Variants in PDZD7 observed in about 807,000 individuals in gnomAD.
PDZD7 encodes PDZ domain containing 7.
Under a neutral mutation model 84.7 loss-of-function variants are expected in PDZD7, and 72 were observed. That is an observed-to-expected ratio of 0.85 (90% CI 0.70 to 1.03). The LOEUF is 1.03. Among genes scored for constraint, PDZD7 ranks in the 50% least tolerant of loss-of-function variants. The pLI, the probability that PDZD7 is intolerant of heterozygous loss-of-function variation, is 0.00. For missense variants in PDZD7, 1,490 were observed against 1,412.9 expected (o/e 1.05, Z -0.87); for synonymous variants, 594 against 580.7 (o/e 1.02, Z -0.33).
rs565952913 is a variant in PDZD7 at position 101,010,659 on chromosome 10, G to T, written c.2230C>A (p.Arg744=). The change falls in exon 15 of 17, where the codon CGG becomes AGG. Residue 744 remains arginine (R), a synonymous_variant. Transcript: ENST00000619208. ...PPPQLPPVAP[R]PLRPNWLLTE... ...AGCAGCCAGTTAGGCCGCAGGGGCCGGGGAGCCACGGGGGGTAGCTGGGGA... is the reference window on the plus strand; with the variant it reads ...AGCAGCCAGTTAGGCCGCAGGGGCCTGGGAGCCACGGGGGGTAGCTGGGGA... 572 of 1,517,952 alleles carry T rather than the reference G, an allele frequency of 3.8e-4. 3 individuals are homozygous for T. The South Asian group carries it at 5.9e-3, about 16-fold the overall frequency. 94.0% of individuals were successfully genotyped at this position (1,517,952 alleles called of 1,614,324 possible). A position where few individuals can be genotyped will look rare whatever the true frequency, so the allele number is the denominator to read the frequency against.
intron 7 of PDZD7, 47 bp downstream of exon 7, chr10:101,020,571 A>G (rs1339454351): frequency 6.4e-7 from 1 of 1,551,830 alleles, no homozygotes; most frequent in South Asian, 1.1e-5. Context: ...CCCCACCCTA[A>G]GGCCTCAGCC....
chr10:101,020,816 A>G (rs904013264), intron 6 of PDZD7, 138 bp from the exon 7 acceptor site: 10 of 686,818 alleles, frequency 1.5e-5, no homozygotes, highest in Non-Finnish European at 2.3e-5. Context: ...CTGGCCGCAC[A>G]GGCCACTTTC....
At chr10:101,017,394 C>CT (rs61058141) in intron 9 of PDZD7, 17,539 of 366,716 alleles carry the variant, frequency 0.048, no homozygotes, top group Middle Eastern at 0.059. Context: ...TTTTCTTTTA[C>CT]TTTTTTTTTT....
chr10:101,016,467 C>T, intron 9 of PDZD7, 40 bp from the exon 10 acceptor site: 3 of 1,549,096 alleles, frequency 1.9e-6, no homozygotes, highest in Non-Finnish European at 1.7e-6. Context: ...GCCTTGGCCC[C>T]CAGTCTGAAA....
chr10:101,020,348 C>T (rs548765791), intron 7 of PDZD7, among the ~76,000 whole-genome samples: 2 of 152,092 alleles, frequency 1.3e-5, no homozygotes, highest in African/African-American at 2.4e-5. Context: ...TCAGGTGATC[C>T]GCCCACCTCA....
At position 101,021,929 on chromosome 10, in the gene PDZD7, GCCCA is replaced by G. The variant is rs1564637376; in HGVS notation, c.732_735del (p.Gly245TrpfsTer33). On this transcript the variant is annotated frameshift_variant, in exon 6 of 17. Transcript: ENST00000619208. LOFTEE classifies it high-confidence loss of function. ...ACCTTGATGCCATTCTCCTCGGCCA[GCCCA>G]CCATGGTCCACTCTGAGGCCAGACA... The G allele has an allele frequency of 6.2e-7, 1 of 1,614,072 alleles. No homozygotes were observed. Among genetic ancestry groups the G allele is most frequent in the South Asian group, 1.1e-5 (1 of 91,076 alleles).
At chr10:101,018,406 G>T in intron 8 of PDZD7, 110 bp from the exon 9 acceptor site, 1 of 1,168,902 alleles carries the variant, frequency 8.6e-7, no homozygotes, top group Non-Finnish European at 1.2e-6. Flanking sequence ...GGGCAGACAG[G>T]ATCTGCAGCT....
chr10:101,021,154 G>T (rs1186802222), intron 6 of PDZD7, among the ~76,000 whole-genome samples: 1 of 152,078 alleles, frequency 6.6e-6, no homozygotes, highest in Non-Finnish European at 1.5e-5. Flanking sequence ...GGAAGGAAAA[G>T]GAAAAATGGG....
Position 101,010,592 on chromosome 10 carries a change from A to G in PDZD7, c.2297T>C (p.Ile766Thr), listed in dbSNP as rs773169229. The part of the protein sequence containing the change: ...LSREHPPQSQ[I>T]RGRAQSRSRS... ...GCTACGGCTCTGAGCCCGGCCCCGG[A>G]TCTGGCTCTGCGGAGGGTGCTCTCG... Residue 766 changes from isoleucine (I) to threonine (T), a missense_variant, in exon 15 of 17, where the codon ATC becomes ACC. By Grantham distance (89) the Ile-to-Thr change is moderately conservative. Transcript: ENST00000619208. 6.0e-6 allele frequency: 9 copies of G among 1,511,286 alleles called. No homozygotes were observed. Among genetic ancestry groups the G allele is most frequent in the South Asian group, 1.2e-5 (1 of 80,678 alleles). 93.6% of individuals were successfully genotyped at this position (1,511,286 alleles called of 1,614,324 possible).
At chr10:101,019,702 T>G (rs1271323888) in intron 7 of PDZD7, among the ~76,000 whole-genome samples, 1 of 151,442 alleles carries the variant, frequency 6.6e-6, no homozygotes, top group African/African-American at 2.4e-5. Flanking sequence ...CTCGGTTCAC[T>G]GCAACCTCTA....
chr10:101,023,108 T>A (rs1853222466), intron 4 of PDZD7: 1 of 173,280 alleles, frequency 5.8e-6, no homozygotes, highest in Non-Finnish European at 1.1e-5. Context: ...AGAGAAGGGG[T>A]CTTGCTATGT....
At chr10:101,022,473 G>C in intron 4 of PDZD7, 88 bp from the exon 5 acceptor site, 1 of 1,542,578 alleles carries the variant, frequency 6.5e-7, no homozygotes, top group Admixed American at 1.7e-5. Context: ...TGCAGGGAAA[G>C]TGGGGGTTGC....
Position 101,011,682 on chromosome 10 carries a change from T to C in PDZD7, c.2005+8A>G. On this transcript the variant is annotated splice_region_variant and intron_variant, in intron 14 of 16. Transcript: ENST00000619208. ...TGCCCCTCCCTGGGCTCTGGGACTC[T>C]GACTGACCAGGCACGGGGGTGATAA... The C allele has an allele frequency of 6.5e-7, 1 of 1,537,660 alleles. No homozygotes were observed. The highest frequency in any genetic ancestry group is 8.7e-7 in the Non-Finnish European group (1 of 1,146,730).
At chr10:101,028,864 T>A (rs1393679134) in intron 2 of PDZD7, among the ~76,000 whole-genome samples, 4 of 152,180 alleles carry the variant, frequency 2.6e-5, no homozygotes. Flanking sequence ...GGGTGAAGCA[T>A]AGACTGGTGT....
At chr10:101,016,450 G>C (rs1231179410) in intron 9 of PDZD7, 23 bp from the exon 10 acceptor site, 1 of 1,550,524 alleles carries the variant, frequency 6.4e-7, no homozygotes, top group Admixed American at 2.0e-5. Flanking sequence ...AAGAGGCTCA[G>C]CTGCAGGCCT....
chr10:101,029,947 A>ACCCCCCCCCC, intron 2 of PDZD7, 47 bp downstream of exon 2: 3 of 1,431,220 alleles, frequency 2.1e-6, no homozygotes, highest in Non-Finnish European at 2.9e-6. Flanking sequence ...ATTGTCCCCT[A>ACCCCCCCCCC]CCCCCACCCT....
chr10:101,020,732 G>A (rs2134075685), intron 6 of PDZD7, 54 bp from the exon 7 acceptor site: 1 of 1,346,048 alleles, frequency 7.4e-7, no homozygotes, highest in South Asian at 1.2e-5. Flanking sequence ...AGGAGGGAGA[G>A]TGAGAATGGG....
Position 101,030,525 on chromosome 10 carries a change from AC to A in PDZD7, c.-165-142del, listed in dbSNP as rs1763458610. ...CTCCTGTCTCACCCTAGGCCAGAGA[AC>A]TGCCCCGTCCAGGCACCATCTTGGA... On this transcript the variant is annotated intron_variant, in intron 1 of 16. Transcript: ENST00000619208. 6 of 552,790 alleles carry A rather than the reference AC, an allele frequency of 1.1e-5. No homozygotes were observed. In the South Asian group the frequency reaches 1.2e-4, roughly 11 times the overall value. The allele number at this position is 552,790 out of a possible 1,614,324, so 34.2% of individuals were successfully genotyped here.
chr10:101,030,580 G>A (rs1036345484), intron 1 of PDZD7, 196 bp from the exon 2 acceptor site: 14 of 442,462 alleles, frequency 3.2e-5, no homozygotes, highest in African/African-American at 2.2e-4. Flanking sequence ...AAGGCAGGTG[G>A]GAACCTTTCA....
Sources: gnomAD v4.1 joint callset for allele counts (sites outside exome capture counted in the v4.1 genomes callset) on GRCh38, gnomAD v4.1.1 for gene constraint, MANE v1.5 for transcripts, NCBI Gene and HGNC (gene_info 2026-07-23, HGNC 2026-07-21) for gene names.